Variants in MKLN1 observed in about 807,000 individuals in gnomAD.
MKLN1 encodes muskelin 1, also known as muskelin.
MKLN1 carries 18 observed loss-of-function variants against 99.0 expected under a neutral mutation model. The ratio of observed to expected loss-of-function variants is 0.18; its 90% confidence interval spans 0.13 to 0.27. The LOEUF (loss-of-function observed/expected upper bound fraction) is 0.27. MKLN1 is among the 10% of genes least tolerant of loss of function. The pLI is 1.00. For synonymous variants in MKLN1, 288 were observed against 293.2 expected (o/e 0.98, Z 0.18); for missense variants, 621 against 875.9 (o/e 0.71, Z 3.67).
chr7:131,143,793 A>C (rs527986699), intron 2 of MKLN1, among the ~76,000 whole-genome samples: 14 of 152,310 alleles, frequency 9.2e-5, no homozygotes, highest in South Asian at 6.2e-4. Context: ...ACAACACTGC[A>C]CTCTAGCCTA....
intron 2 of MKLN1, among the ~76,000 whole-genome samples, chr7:131,172,961 A>T (rs1179108750): frequency 6.6e-6 from 1 of 152,218 alleles, no homozygotes; most frequent in Non-Finnish European, 1.5e-5. Context: ...AATTTGTAGA[A>T]GTTGATTAAA....
intron 2 of MKLN1, among the ~76,000 whole-genome samples, chr7:131,193,027 A>C (rs946832281): frequency 6.6e-6 from 1 of 152,200 alleles, no homozygotes; most frequent in Non-Finnish European, 1.5e-5. Flanking sequence ...GTATATAATA[A>C]AAAGTATTAA....
intron 12 of MKLN1, among the ~76,000 whole-genome samples, chr7:131,455,191 A>G (rs1405139092): frequency 6.6e-6 from 1 of 152,228 alleles, no homozygotes; most frequent in African/African-American, 2.4e-5. Context: ...TTAATTCATA[A>G]GTTAATGCAA....
chr7:131,350,657 T>G (rs1422528809), intron 1 of MKLN1, among the ~76,000 whole-genome samples: 1 of 152,212 alleles, frequency 6.6e-6, no homozygotes, highest in Non-Finnish European at 1.5e-5. Flanking sequence ...ATGTGGTGTT[T>G]TGCTTCATCA....
At position 131,487,632 on chromosome 7, in the gene MKLN1, T is replaced by C. The variant is rs751608792; in HGVS notation, c.2112T>C (p.Tyr704=). The C allele has an allele frequency of 3.1e-6, 5 of 1,612,828 alleles. No individual in the cohort carries two copies. The African/African-American group carries it at 5.3e-5, about 17-fold the overall frequency. The change falls in exon 18 of 18, where the codon TAT becomes TAC. Residue 704 remains tyrosine (Y), a synonymous_variant. Transcript: ENST00000352689. The surrounding 1 kb of genome is among the most constrained non-coding windows in gnomAD (Gnocchi z 4.7). ...ALGFSDVDHT[Y]AQRTQLFDTL... ...GCTTTTCTGATGTGGATCACACCTA[T>C]GCTCAAAGAACTCAGCTCTTTGACA...
intron 1 of MKLN1, among the ~76,000 whole-genome samples, chr7:131,126,980 A>G (rs1378179628): frequency 1.3e-5 from 2 of 152,126 alleles, no homozygotes; most frequent in African/African-American, 4.8e-5. Context: ...AGCCTGACCA[A>G]CATGGAAAAA....
chr7:131,192,068 T>A (rs1302445824), intron 2 of MKLN1, among the ~76,000 whole-genome samples: 1 of 108,100 alleles, frequency 9.3e-6, no homozygotes, highest in African/African-American at 3.9e-5. Flanking sequence ...ATATATATAT[T>A]ATATATATAC....
At chr7:131,340,275 C>CTTTTT (rs398006316) in intron 1 of MKLN1, among the ~76,000 whole-genome samples, 55 of 85,046 alleles carry the variant, frequency 6.5e-4, no homozygotes, top group African/African-American at 7.6e-4. Flanking sequence ...GTAATTACGG[C>CTTTTT]TTTTTTTTTT....
chr7:131,239,288 A>G (rs913479383), intron 3 of MKLN1, among the ~76,000 whole-genome samples: 6 of 151,988 alleles, frequency 3.9e-5, no homozygotes, highest in Non-Finnish European at 8.8e-5. Flanking sequence ...TAATTTACGT[A>G]TTATGTGTTA....
At chr7:131,455,341 A>C (rs907152871) in intron 12 of MKLN1, among the ~76,000 whole-genome samples, 3 of 152,232 alleles carry the variant, frequency 2.0e-5, no homozygotes, top group African/African-American at 7.2e-5. Flanking sequence ...CAAGGAAGGA[A>C]GAGAAAAGAT....
intron 3 of MKLN1, among the ~76,000 whole-genome samples, chr7:131,271,866 G>A (rs537907799): frequency 1.3e-5 from 2 of 151,310 alleles, no homozygotes; most frequent in South Asian, 4.2e-4. Flanking sequence ...CTGAGATTGT[G>A]CCACTGCACT....
chr7:131,326,432 C>T (rs1034220525), upstream of MKLN1, among the ~76,000 whole-genome samples: 1 of 152,176 alleles, frequency 6.6e-6, no homozygotes, highest in African/African-American at 2.4e-5. Context: ...GCAACCTCTG[C>T]CTCCTGGGTT....
chr7:131,321,705 C>G (rs1377254681), intron 3 of MKLN1, among the ~76,000 whole-genome samples: 1 of 152,058 alleles, frequency 6.6e-6, no homozygotes, highest in African/African-American at 2.4e-5. Flanking sequence ...ACAAAGGTAC[C>G]CTTCCAAATG....
chr7:131,470,751 CA>C, intron 15 of MKLN1, 90 bp from the exon 16 acceptor site: 1 of 819,186 alleles, frequency 1.2e-6, no homozygotes, highest in South Asian at 1.5e-5. Context: ...TCCTCATACT[CA>C]GTATAACAGT....
intron 2 of MKLN1, among the ~76,000 whole-genome samples, chr7:131,386,010 C>T (rs1367010169): frequency 3.4e-5 from 5 of 145,322 alleles, no homozygotes; most frequent in African/African-American, 1.2e-4. Context: ...TTTAGGTCTT[C>T]AGTCTTTTTT....
At chr7:131,446,664 A>T (rs371047105) in intron 12 of MKLN1, among the ~76,000 whole-genome samples, 3 of 152,366 alleles carry the variant, frequency 2.0e-5, no homozygotes, top group African/African-American at 7.2e-5. Context: ...GTTTCTGGAT[A>T]TTTTATTGAT....
At chr7:131,483,628 C>T (rs1174273238) in intron 17 of MKLN1, among the ~76,000 whole-genome samples, 1 of 152,126 alleles carries the variant, frequency 6.6e-6, no homozygotes, top group Non-Finnish European at 1.5e-5. Flanking sequence ...GGCCTTTTTG[C>T]ACTTAGGAAT....
chr7:131,419,751 AAG>A (rs775487308), intron 8 of MKLN1, among the ~76,000 whole-genome samples: 4 of 152,242 alleles, frequency 2.6e-5, no homozygotes, highest in East Asian at 3.9e-4. Flanking sequence ...GTATGTGAGA[AAG>A]AGAGTGGGAA....
At chr7:131,268,022 G>A (rs1333275957) in intron 3 of MKLN1, among the ~76,000 whole-genome samples, 1 of 152,036 alleles carries the variant, frequency 6.6e-6, no homozygotes, top group Non-Finnish European at 1.5e-5. Flanking sequence ...ACAAAAACAA[G>A]ACAGGTTTAA....
Sources: gnomAD v4.1 joint callset for allele counts (sites outside exome capture counted in the v4.1 genomes callset) on GRCh38, gnomAD v4.1.1 for gene constraint, Gnocchi (gnomAD v3.1) non-coding constraint, MANE v1.5 for transcripts, NCBI Gene and HGNC (gene_info 2026-07-23, HGNC 2026-07-21) for gene names.